The following FLNB variants were observed in gnomAD, a reference collection of about 807,000 sequenced individuals.
FLNB encodes filamin-B.
A neutral mutation model predicts 250.6 loss-of-function variants in FLNB; 111 were observed. The observed-to-expected ratio is 0.44, with a 90% CI of 0.38 to 0.52. The LOEUF (loss-of-function observed/expected upper bound fraction) is 0.52. Among genes scored for constraint, FLNB ranks in the 20% least tolerant of loss-of-function variants. The pLI, the probability that FLNB is intolerant of heterozygous loss-of-function variation, is 0.00. For missense variants in FLNB, 2,869 were observed against 3,447.8 expected, an observed-to-expected ratio of 0.83 and a Z score of 4.20; for synonymous variants, 1,302 against 1,372.1, an observed-to-expected ratio of 0.95 and a Z score of 1.13.
chr3:58,014,684 C>G (rs2097103409), intron 1 of FLNB, among the ~76,000 whole-genome samples: 1 of 152,132 alleles, frequency 6.6e-6, no homozygotes, highest in South Asian at 2.1e-4. Flanking sequence ...CCTTTAGGCC[C>G]TGCCTCCAGT....
intron 1 of FLNB, among the ~76,000 whole-genome samples, chr3:58,028,337 T>A (rs1329641431): frequency 6.6e-6 from 1 of 152,174 alleles, no homozygotes; most frequent in Admixed American, 6.5e-5. Context: ...ATCACAGGAC[T>A]AAATTCTGTC....
intron 1 of FLNB, among the ~76,000 whole-genome samples, chr3:58,033,396 TTG>T (rs566832311): frequency 0.046 from 6,148 of 133,868 alleles, 396 homozygotes; most frequent in African/African-American, 0.16. Context: ...GTATGCTGTT[TTG>T]TTTTTTTTTG....
In FLNB at chr3:58,132,239, T is replaced by C; in HGVS notation, c.4391-569T>C. 9.0e-6 allele frequency: 5 copies of C among 554,106 alleles called. No individual in the cohort carries two copies. In the South Asian group the frequency reaches 1.1e-4, roughly 12 times the overall value. The allele number at this position is 554,106 out of a possible 1,614,324, so 34.3% of individuals were successfully genotyped here. A position where few individuals can be genotyped will look rare whatever the true frequency, so the allele number is the denominator to read the frequency against. ...GCCTTGATTATGTTTTAGCATAATCTCTAACATCTCCACAGGCTTCACCTT... is the reference window on the plus strand; with the variant it reads ...GCCTTGATTATGTTTTAGCATAATCCCTAACATCTCCACAGGCTTCACCTT... On this transcript the variant is annotated intron_variant, in intron 25 of 45. Transcript: ENST00000295956.
intron 11 of FLNB, among the ~76,000 whole-genome samples, chr3:58,105,448 C>T (rs189602835): frequency 6.6e-6 from 1 of 152,256 alleles, no homozygotes; most frequent in Admixed American, 6.5e-5. Context: ...GGGTATTGTG[C>T]CTAAAACAAT....
chr3:58,031,389 C>T (rs1483598383), intron 1 of FLNB, among the ~76,000 whole-genome samples: 1 of 149,878 alleles, frequency 6.7e-6, no homozygotes, highest in African/African-American at 2.5e-5. Context: ...ACTACAGGCG[C>T]CCGCCACCAC....
At chr3:58,131,852 A>G (rs1371471596) in intron 25 of FLNB, 1 of 1,024,600 alleles carries the variant, frequency 9.8e-7, no homozygotes, top group East Asian at 2.6e-5. Context: ...AGGGAGAAAA[A>G]GAAGAAAGAG....
At chr3:58,030,082 G>A (rs995891059) in intron 1 of FLNB, among the ~76,000 whole-genome samples, 2 of 152,196 alleles carry the variant, frequency 1.3e-5, no homozygotes, top group Non-Finnish European at 2.9e-5. Flanking sequence ...CTGGTAGTAA[G>A]CGAGGCAAAG....
At chr3:58,124,853 G>GA (rs11437124) in intron 22 of FLNB, among the ~76,000 whole-genome samples, 66,929 of 151,856 alleles carry the variant, frequency 0.44, 18,835 homozygotes, top group East Asian at 0.97. Flanking sequence ...AAACCATAAA[G>GA]AAAAAAAAGT....
At chr3:58,028,279 A>G (rs895413905) in intron 1 of FLNB, among the ~76,000 whole-genome samples, 5 of 152,200 alleles carry the variant, frequency 3.3e-5, no homozygotes, top group African/African-American at 2.4e-5. Context: ...GTCATAGAAT[A>G]TTGAATACAA....
At chr3:58,150,383 A>G (rs1455851297) in intron 38 of FLNB, 156 bp downstream of exon 38, 8 of 817,504 alleles carry the variant, frequency 9.8e-6, no homozygotes, top group Non-Finnish European at 1.6e-5. Flanking sequence ...ATGTTCTTCT[A>G]TGTTTATTTT....
In FLNB at chr3:58,044,550, G is replaced by A. The variant is rs945672861; in HGVS notation, c.293-32496G>A. 2.0e-5 allele frequency among the ~76,000 whole-genome samples: 3 copies of A among 152,304 alleles called. No homozygotes were observed. The East Asian group carries it at 5.8e-4, about 29-fold the overall frequency. On this transcript the variant is annotated intron_variant, in intron 1 of 45. Coordinates refer to ENST00000295956, the MANE Select transcript of FLNB (RefSeq NM_001457.4). ...TGAGGTGGGAGGATTGCTTGAGCCT[G>A]GCGGGTCGAGGTTGCAGCAAGCTGT...
At chr3:58,093,755 C>T (rs1240951731) in intron 4 of FLNB, among the ~76,000 whole-genome samples, 1 of 151,918 alleles carries the variant, frequency 6.6e-6, no homozygotes, top group Non-Finnish European at 1.5e-5. Flanking sequence ...AACTGTGGTA[C>T]ATCTATACCA....
At chr3:58,009,294 G>T (rs60162943) in intron 1 of FLNB, among the ~76,000 whole-genome samples, 1 of 152,146 alleles carries the variant, frequency 6.6e-6, no homozygotes, top group Non-Finnish European at 1.5e-5. Context: ...CTGAATGGGC[G>T]TTGGCTCGGA....
At chr3:58,119,023 G>C (rs2097283680) in intron 19 of FLNB, 34 bp downstream of exon 19, 17 of 1,447,156 alleles carry the variant, frequency 1.2e-5, no homozygotes, top group Non-Finnish European at 1.7e-5. Context: ...ATGGGTTGTT[G>C]ATGACCCCCC....
At chr3:58,050,195 A>G (rs550899212) in intron 1 of FLNB, among the ~76,000 whole-genome samples, 1 of 151,942 alleles carries the variant, frequency 6.6e-6, no homozygotes, top group African/African-American at 2.4e-5. Flanking sequence ...ACACCCAGCT[A>G]ATTTTTGTAT....
chr3:58,133,444 A>AGG (rs2097311101), intron 26 of FLNB, among the ~76,000 whole-genome samples: 3 of 140,444 alleles, frequency 2.1e-5, no homozygotes, highest in African/African-American at 9.0e-5. Flanking sequence ...CTGGAAAAAA[A>AGG]AAAAAAAAAA....
At chr3:58,144,750 A>G (rs1214977000) in intron 32 of FLNB, among the ~76,000 whole-genome samples, 3 of 152,226 alleles carry the variant, frequency 2.0e-5, no homozygotes, top group Non-Finnish European at 4.4e-5. Flanking sequence ...TCTTTTCCAC[A>G]AAATTTGCCA....
chr3:58,144,040 C>T (rs2097331742), intron 32 of FLNB, among the ~76,000 whole-genome samples: 1 of 152,208 alleles, frequency 6.6e-6, no homozygotes, highest in East Asian at 1.9e-4. Flanking sequence ...CAAGGGAAGC[C>T]AGCCCAGGTT....
chr3:58,069,723 G>A (rs1285007763), intron 1 of FLNB, among the ~76,000 whole-genome samples: 1 of 152,134 alleles, frequency 6.6e-6, no homozygotes, highest in East Asian at 1.9e-4. Context: ...CCCCAGGTTC[G>A]CTGCAGCGTT....
Sources: allele counts gnomAD v4.1 joint callset (sites outside exome capture counted in the v4.1 genomes callset), GRCh38; gene constraint gnomAD v4.1.1; transcripts MANE v1.5; gene names NCBI Gene and HGNC (gene_info 2026-07-23, HGNC 2026-07-21).